CALN1: variants seen among roughly 807,000 people sequenced by gnomAD.
CALN1 encodes calcium-binding protein 8.
CALN1 carries 17 observed loss-of-function variants against 30.6 expected under a neutral mutation model. The observed-to-expected ratio is 0.56, with a 90% CI of 0.38 to 0.83. The LOEUF (loss-of-function observed/expected upper bound fraction) is 0.83. CALN1 is among the 40% of genes least tolerant of loss of function. CALN1 has a pLI of 0.00. For synonymous variants in CALN1, 156 were observed against 131.4 expected (o/e 1.19, Z -1.28); for missense variants, 291 against 354.9 (o/e 0.82, Z 1.45).
chr7:72,409,947 T>A (rs1806999480), intron 1 of CALN1, among the ~76,000 whole-genome samples: 1 of 152,208 alleles, frequency 6.6e-6, no homozygotes. Context: ...GATAATGGTT[T>A]TCCCCTTGGT....
Position 72,079,761 on chromosome 7 carries a change from C to CTTTTTTT in CALN1, c.388+26383_388+26389dup, listed in dbSNP as rs3065015. On this transcript the variant is annotated intron_variant, in intron 4 of 6. Coordinates refer to ENST00000395275, the MANE Select transcript of CALN1 (RefSeq NM_031468.4). ...AAATGCCCAAGAGGTTGCCTTTTTC[C>CTTTTTTT]TTTTTTTTTTTTTTTTTTTTTTTTT... is the stretch of plus-strand genomic sequence containing the variant. Among the ~76,000 whole-genome samples, 169 of 104,036 alleles carry CTTTTTTT rather than the reference C, an allele frequency of 1.6e-3. 9 individuals are homozygous for CTTTTTTT. Among genetic ancestry groups the CTTTTTTT allele is most frequent in the African/African-American group, 5.3e-3 (134 of 25,050 alleles). 68.3% of individuals were successfully genotyped at this position (104,036 alleles called of 152,430 possible).
intron 5 of CALN1, among the ~76,000 whole-genome samples, chr7:71,876,110 T>G (rs981592677): frequency 1.9e-4 from 29 of 152,180 alleles, no homozygotes; most frequent in African/African-American, 6.8e-4. Context: ...AAAATAGCCT[T>G]GCTATGGTGT....
At chr7:72,481,502 A>G in the CALN1 span, among the ~76,000 whole-genome samples, 9 of 152,098 alleles carry the variant, frequency 5.9e-5, no homozygotes, top group East Asian at 7.7e-4. Flanking sequence ...CCTGTTTTTA[A>G]AAACTCATTT....
At chr7:72,485,977 G>A in the CALN1 span, among the ~76,000 whole-genome samples, 1 of 152,120 alleles carries the variant, frequency 6.6e-6, no homozygotes, top group African/African-American at 2.4e-5. Flanking sequence ...TGGAGGCGGA[G>A]TCTCACTCTG....
intron 5 of CALN1, among the ~76,000 whole-genome samples, chr7:71,848,324 T>G (rs1209447054): frequency 1.3e-5 from 2 of 152,182 alleles, no homozygotes; most frequent in Non-Finnish European, 2.9e-5. Flanking sequence ...ACACCCGTAT[T>G]TATACTGAAT....
chr7:72,259,251 C>G (rs1796119568), intron 3 of CALN1, among the ~76,000 whole-genome samples: 1 of 151,842 alleles, frequency 6.6e-6, no homozygotes, highest in Admixed American at 6.6e-5. Flanking sequence ...GCTGTCTTCT[C>G]ATTATCATCA....
chr7:72,414,712 C>T (rs1187906314), upstream of CALN1, among the ~76,000 whole-genome samples: 1 of 152,216 alleles, frequency 6.6e-6, no homozygotes, highest in Non-Finnish European at 1.5e-5. Context: ...CTGTACCCCT[C>T]TCTGTTGCCA....
chr7:72,240,681 G>A (rs868176626), intron 3 of CALN1, among the ~76,000 whole-genome samples: 1 of 152,216 alleles, frequency 6.6e-6, no homozygotes, highest in African/African-American at 2.4e-5. Context: ...TTGCTGTTAA[G>A]TTTATTCCTG....
intron 4 of CALN1, among the ~76,000 whole-genome samples, chr7:72,082,883 C>A (rs1805242093): frequency 6.6e-6 from 1 of 152,136 alleles, no homozygotes; most frequent in Non-Finnish European, 1.5e-5. Context: ...CAGTATCTGG[C>A]ATTCAATCAG....
chr7:72,047,755 C>T (rs543024907), intron 4 of CALN1, among the ~76,000 whole-genome samples: 8 of 152,252 alleles, frequency 5.3e-5, no homozygotes, highest in Non-Finnish European at 1.0e-4. Flanking sequence ...GACGTGGCAG[C>T]CATCGTGCTC....
At chr7:72,323,464 A>C (rs1048394227) in intron 2 of CALN1, among the ~76,000 whole-genome samples, 3 of 152,108 alleles carry the variant, frequency 2.0e-5, no homozygotes, top group Non-Finnish European at 4.4e-5. Context: ...GTTTGAGACC[A>C]GCCTGGCCAA....
chr7:72,184,192 G>T (rs182943840), intron 3 of CALN1, among the ~76,000 whole-genome samples: 1 of 152,078 alleles, frequency 6.6e-6, no homozygotes, highest in South Asian at 2.1e-4. Flanking sequence ...TTTTTCAATC[G>T]TCGTCTTCGA....
intron 5 of CALN1, among the ~76,000 whole-genome samples, chr7:71,905,684 A>G (rs979418575): frequency 6.6e-6 from 1 of 152,114 alleles, no homozygotes; most frequent in Admixed American, 6.5e-5. Context: ...ACATGTCAGT[A>G]AAATGTTTAG....
the CALN1 span, among the ~76,000 whole-genome samples, chr7:72,466,147 C>T: frequency 6.6e-6 from 1 of 152,204 alleles, no homozygotes; most frequent in African/African-American, 2.4e-5. Flanking sequence ...GCCCACTCCA[C>T]CTCCATTGCC....
At chr7:72,072,127 C>G (rs574621687) in intron 4 of CALN1, among the ~76,000 whole-genome samples, 1 of 152,226 alleles carries the variant, frequency 6.6e-6, no homozygotes, top group East Asian at 1.9e-4. Flanking sequence ...GCTGGAAACT[C>G]CCCCAATCTG....
At chr7:72,465,198 C>G in the CALN1 span, among the ~76,000 whole-genome samples, 1 of 152,214 alleles carries the variant, frequency 6.6e-6, no homozygotes, top group African/African-American at 2.4e-5. Context: ...TTTACTTGCT[C>G]TTCATGGCTC....
At chr7:72,406,898 G>A (rs1806734904) in intron 1 of CALN1, among the ~76,000 whole-genome samples, 1 of 152,080 alleles carries the variant, frequency 6.6e-6, no homozygotes, top group Admixed American at 6.5e-5. Flanking sequence ...TTACAGACAT[G>A]AGCCACCGCG....
At chr7:72,257,821 T>C (rs573033959) in intron 3 of CALN1, among the ~76,000 whole-genome samples, 15 of 152,210 alleles carry the variant, frequency 9.9e-5, no homozygotes, top group Non-Finnish European at 1.9e-4. Flanking sequence ...TGCAGCAACT[T>C]AGATGGAGTT....
intron 5 of CALN1, among the ~76,000 whole-genome samples, chr7:71,990,200 G>GC (rs1357733200): frequency 3.9e-5 from 6 of 152,192 alleles, no homozygotes; most frequent in Admixed American, 1.3e-4. Context: ...CGTCCTCACT[G>GC]CTCATCATAT....
Sources: allele counts gnomAD v4.1 joint callset (sites outside exome capture counted in the v4.1 genomes callset), GRCh38; gene constraint gnomAD v4.1.1; transcripts MANE v1.5; gene names NCBI Gene and HGNC (gene_info 2026-07-23, HGNC 2026-07-21).